ATPAF1: variants seen among roughly 807,000 people sequenced by gnomAD.
ATPAF1 encodes the protein homolog of yeast ATP11.
Under a neutral mutation model 43.9 loss-of-function variants are expected in ATPAF1, and 26 were observed. The observed-to-expected ratio is 0.59, with a 90% CI of 0.43 to 0.82. ATPAF1 has a LOEUF of 0.82. ATPAF1 is among the 40% of genes least tolerant of loss of function. ATPAF1 has a pLI of 0.00. For synonymous variants in ATPAF1, 157 were observed against 168.0 expected (o/e 0.93, Z 0.50); for missense variants, 366 against 435.0 (o/e 0.84, Z 1.41).
downstream of ATPAF1, chr1:46,633,781 T>C: frequency 8.8e-6 from 4 of 456,298 alleles, no homozygotes; most frequent in Non-Finnish European, 1.8e-5. Flanking sequence ...CCTCACCCGC[T>C]GGTGGAGGTG....
chr1:46,662,852 T>C (rs1159126991), intron 2 of ATPAF1, among the ~76,000 whole-genome samples: 2 of 152,212 alleles, frequency 1.3e-5, no homozygotes, highest in Admixed American at 1.3e-4. Context: ...TACATATCTA[T>C]ACATGTACCA....
intron 2 of ATPAF1, chr1:46,663,778 C>A (rs1187481847): frequency 1.9e-6 from 2 of 1,033,398 alleles, no homozygotes; most frequent in Non-Finnish European, 2.4e-6. Context: ...AAAATAAACA[C>A]CTCTAATTTG....
At chr1:46,663,746 G>T in intron 2 of ATPAF1, 1 of 745,410 alleles carries the variant, frequency 1.3e-6, no homozygotes, top group Non-Finnish European at 1.7e-6. Flanking sequence ...GATACCCAAG[G>T]CAAAAAAAGT....
Position 46,643,089 on chromosome 1 carries a change from G to A in ATPAF1, c.792+105C>T, listed in dbSNP as rs561457283. On this transcript the variant is annotated intron_variant, in intron 8 of 8. Coordinates refer to ENST00000574428, the Ensembl canonical transcript of ATPAF1. ...AACTTTAAAATAAGTAAGAAACAAG[G>A]TATATGTAGCTCTTTGAAATTTTCT... 91 of 856,572 alleles carry A rather than the reference G, an allele frequency of 1.1e-4. No homozygotes were observed. In the South Asian group the frequency reaches 1.4e-3, roughly 13 times the overall value. 53.1% of individuals were successfully genotyped at this position (856,572 alleles called of 1,614,324 possible).
At chr1:46,648,002 G>A (rs1279249498) in intron 6 of ATPAF1, among the ~76,000 whole-genome samples, 1 of 152,212 alleles carries the variant, frequency 6.6e-6, no homozygotes, top group East Asian at 1.9e-4. Flanking sequence ...AAGAATTTCT[G>A]ATATAACTTG....
chr1:46,643,200 T>C (rs200333485), exon 8 of ATPAF1: 24 of 1,611,220 alleles, frequency 1.5e-5, no homozygotes, highest in Non-Finnish European at 2.0e-5. Context: ...TTACCAGAAA[T>C]GTGGAATCCA....
At chr1:46,638,296 T>C (rs988436186) in intron 8 of ATPAF1, among the ~76,000 whole-genome samples, 4 of 152,168 alleles carry the variant, frequency 2.6e-5, no homozygotes, top group Admixed American at 1.3e-4. Context: ...AAGATTTTGT[T>C]TGGATAAAGG....
At position 46,668,228 on chromosome 1, in the gene ATPAF1, C is replaced by A; in HGVS notation, c.95G>T (p.Arg32Leu). Reference sequence around the variant, plus strand: ...TGACACGAGCCCCAGGCCCAGGGCGCGGCTGCGCACCGCGCACAGGCCCCG... The same window carrying A: ...TGACACGAGCCCCAGGCCCAGGGCGAGGCTGCGCACCGCGCACAGGCCCCG... The change falls in exon 1 of 9, where the codon CGC becomes CTC. Residue 32 changes from arginine to leucine, a missense_variant. Transcript: ENST00000574428. This position sits in a 1 kb window ranked among gnomAD's most constrained non-coding sequence, Gnocchi z 4.4. 1 of 1,364,862 alleles carries A rather than the reference C, an allele frequency of 7.3e-7. No homozygotes were observed. The highest frequency in any genetic ancestry group is 9.4e-7 in the Non-Finnish European group (1 of 1,058,366). 84.5% of individuals were successfully genotyped at this position (1,364,862 alleles called of 1,614,324 possible).
chr1:46,662,019 C>T (rs540011321), intron 2 of ATPAF1, among the ~76,000 whole-genome samples: 4 of 152,072 alleles, frequency 2.6e-5, no homozygotes, highest in Admixed American at 6.5e-5. Context: ...CTCAGCCTCC[C>T]GAGTAGCTGG....
At chr1:46,663,772 T>G (rs1476191148) in intron 2 of ATPAF1, 3 of 993,772 alleles carry the variant, frequency 3.0e-6, no homozygotes, top group Non-Finnish European at 3.7e-6. Context: ...CCAAGTAAAA[T>G]AAACACCTCT....
intron 4 of ATPAF1, among the ~76,000 whole-genome samples, chr1:46,655,361 C>T (rs1569623529): frequency 1.3e-5 from 2 of 152,112 alleles, no homozygotes; most frequent in African/African-American, 4.8e-5. Flanking sequence ...ATGGTATATA[C>T]CAATCAGAAG....
chr1:46,655,290 A>C (rs1288984926), intron 4 of ATPAF1, among the ~76,000 whole-genome samples: 1 of 150,440 alleles, frequency 6.6e-6, no homozygotes, highest in Non-Finnish European at 1.5e-5. Context: ...GGCAGCTCTT[A>C]AAATCCTGCT....
At chr1:46,659,984 T>G (rs1032624948) in intron 2 of ATPAF1, among the ~76,000 whole-genome samples, 1 of 151,730 alleles carries the variant, frequency 6.6e-6, no homozygotes, top group Non-Finnish European at 1.5e-5. Flanking sequence ...TCTTTCTTTT[T>G]TTTTTTTTTT....
intron 6 of ATPAF1, among the ~76,000 whole-genome samples, chr1:46,651,106 G>A (rs1418339013): frequency 1.3e-5 from 2 of 151,832 alleles, no homozygotes; most frequent in Non-Finnish European, 2.9e-5. Context: ...CCACTAACTC[G>A]TCATCTAGCA....
chr1:46,648,314 A>C, intron 6 of ATPAF1, among the ~76,000 whole-genome samples: 1 of 152,026 alleles, frequency 6.6e-6, no homozygotes, highest in East Asian at 1.9e-4. Flanking sequence ...TTTTCGCCAT[A>C]TTGGCCAGGC....
chr1:46,658,224 A>C (rs1361034392), intron 3 of ATPAF1, 35 bp from the exon 4 acceptor site: 3 of 1,388,962 alleles, frequency 2.2e-6, no homozygotes, highest in South Asian at 2.5e-5. Context: ...TTAACACATA[A>C]TTAAAAAAAA....
chr1:46,640,694 G>A (rs986505912), intron 8 of ATPAF1, among the ~76,000 whole-genome samples: 5 of 152,174 alleles, frequency 3.3e-5, no homozygotes, highest in Non-Finnish European at 7.4e-5. Flanking sequence ...CATTTAAAGA[G>A]GTAGAAAACA....
chr1:46,654,138 T>C (rs574500655), intron 4 of ATPAF1, among the ~76,000 whole-genome samples: 1 of 152,308 alleles, frequency 6.6e-6, no homozygotes, highest in South Asian at 2.1e-4. Flanking sequence ...ATATGTGCCT[T>C]GTGTGTGATA....
At chr1:46,636,432 T>C (rs563204768) in intron 8 of ATPAF1, among the ~76,000 whole-genome samples, 1 of 152,356 alleles carries the variant, frequency 6.6e-6, no homozygotes, top group African/African-American at 2.4e-5. Context: ...AACTAAGTTC[T>C]TGACTAACCA....
Sources: gnomAD v4.1 joint callset for allele counts (sites outside exome capture counted in the v4.1 genomes callset) on GRCh38, gnomAD v4.1.1 for gene constraint, Gnocchi (gnomAD v3.1) non-coding constraint, MANE v1.5 for transcripts, NCBI Gene and HGNC (gene_info 2026-07-23, HGNC 2026-07-21) for gene names.